PDE1A: variants seen among roughly 807,000 people sequenced by gnomAD.
The protein encoded by PDE1A is dual specificity calcium/calmodulin-dependent 3',5'-cyclic nucleotide phosphodiesterase 1A.
Under a neutral mutation model 61.7 loss-of-function variants are expected in PDE1A, and 35 were observed. The ratio of observed to expected loss-of-function variants is 0.57; its 90% CI spans 0.43 to 0.75. The LOEUF (loss-of-function observed/expected upper bound fraction) is 0.75, where lower values mean the gene tolerates loss of function less well. Among genes scored for constraint, PDE1A ranks in the 30% least tolerant of loss-of-function variants. PDE1A has a pLI of 0.00. For synonymous variants in PDE1A, 232 were observed against 213.2 expected (o/e 1.09, Z -0.77); for missense variants, 597 against 630.6 (o/e 0.95, Z 0.57).
At chr2:182,607,313 C>A in the PDE1A span, among the ~76,000 whole-genome samples, 1 of 152,028 alleles carries the variant, frequency 6.6e-6, no homozygotes, top group African/African-American at 2.4e-5. Flanking sequence ...CAAAATAAAC[C>A]ATAAATATCA....
chr2:182,395,963 T>C (rs960334548), intron 1 of PDE1A, among the ~76,000 whole-genome samples: 1 of 152,160 alleles, frequency 6.6e-6, no homozygotes, highest in Non-Finnish European at 1.5e-5. Flanking sequence ...TTCTTACCCA[T>C]CTAGCCATAA....
chr2:182,512,541 T>C (rs1487891691), intron 2 of PDE1A, among the ~76,000 whole-genome samples: 1 of 152,186 alleles, frequency 6.6e-6, no homozygotes, highest in Non-Finnish European at 1.5e-5. Flanking sequence ...CTCACAAATC[T>C]AGTGTCTTTT....
the PDE1A span, among the ~76,000 whole-genome samples, chr2:182,554,097 C>A: frequency 6.6e-6 from 1 of 152,046 alleles, no homozygotes; most frequent in African/African-American, 2.4e-5. Context: ...GCAGGTAGAC[C>A]AGTAGAGAAA....
intron 1 of PDE1A, among the ~76,000 whole-genome samples, chr2:182,370,169 T>G (rs978750025): frequency 6.8e-6 from 1 of 147,404 alleles, no homozygotes; most frequent in East Asian, 2.1e-4. Context: ...AGAGTGAGAC[T>G]TTGTCTCAAA....
the PDE1A span, among the ~76,000 whole-genome samples, chr2:182,702,189 C>T: frequency 1.3e-5 from 2 of 152,122 alleles, no homozygotes; most frequent in African/African-American, 4.8e-5. Context: ...CTGCAACCTC[C>T]GCCTCCTGGG....
intron 2 of PDE1A, among the ~76,000 whole-genome samples, chr2:182,497,136 AT>A (rs1281672974): frequency 2.0e-5 from 3 of 152,224 alleles, no homozygotes; most frequent in Non-Finnish European, 4.4e-5. Context: ...GAATACATGT[AT>A]TTATCATTGT....
chr2:182,380,401 C>T (rs917853675), intron 1 of PDE1A, among the ~76,000 whole-genome samples: 2 of 151,630 alleles, frequency 1.3e-5, no homozygotes, highest in Middle Eastern at 3.5e-3. Flanking sequence ...CGTGAGCCAC[C>T]GCACCCAGCC....
intron 1 of PDE1A, among the ~76,000 whole-genome samples, chr2:182,272,263 T>C (rs1693079774): frequency 6.6e-6 from 1 of 152,192 alleles, no homozygotes; most frequent in African/African-American, 2.4e-5. Flanking sequence ...CATGGGCATG[T>C]ACCTGTGCAG....
the PDE1A span, among the ~76,000 whole-genome samples, chr2:182,575,794 GTAT>G: frequency 1.4e-5 from 2 of 145,492 alleles, no homozygotes; most frequent in South Asian, 2.1e-4. Flanking sequence ...TTAATAATTA[GTAT>G]TATTAATTAT....
At chr2:182,349,969 A>T (rs758248638) in intron 1 of PDE1A, among the ~76,000 whole-genome samples, 2 of 152,100 alleles carry the variant, frequency 1.3e-5, no homozygotes, top group Non-Finnish European at 2.9e-5. Flanking sequence ...TTACAACCTG[A>T]TGAGCTTTTC....
chr2:182,538,172 C>G, the PDE1A span, among the ~76,000 whole-genome samples: 4 of 152,162 alleles, frequency 2.6e-5, no homozygotes, highest in African/African-American at 9.7e-5. Context: ...ACCAAACATT[C>G]CTTGGTCTGT....
At chr2:182,376,084 A>G (rs969619175) in intron 1 of PDE1A, among the ~76,000 whole-genome samples, 1 of 152,190 alleles carries the variant, frequency 6.6e-6, no homozygotes, top group African/African-American at 2.4e-5. Flanking sequence ...GGACTGCTGC[A>G]AAGATCTTTG....
intron 2 of PDE1A, among the ~76,000 whole-genome samples, chr2:182,434,801 A>G (rs1287058819): frequency 6.6e-6 from 1 of 152,090 alleles, no homozygotes; most frequent in Non-Finnish European, 1.5e-5. Flanking sequence ...TTTATACTAG[A>G]TTCCCTTGAT....
chr2:182,371,235 T>C (rs1369741432), intron 1 of PDE1A, among the ~76,000 whole-genome samples: 2 of 152,210 alleles, frequency 1.3e-5, no homozygotes, highest in Non-Finnish European at 2.9e-5. Context: ...ACTTCTTCCA[T>C]ATTAAATTAT....
At chr2:182,658,980 C>T in the PDE1A span, among the ~76,000 whole-genome samples, 9 of 152,198 alleles carry the variant, frequency 5.9e-5, no homozygotes, top group Admixed American at 2.6e-4. Flanking sequence ...GGGACTGGAA[C>T]ACGGAATTGA....
chr2:182,211,759 C>T (rs373839537), intron 7 of PDE1A, among the ~76,000 whole-genome samples: 14 of 152,098 alleles, frequency 9.2e-5, no homozygotes, highest in East Asian at 7.7e-4. Flanking sequence ...TTGAGTGGTG[C>T]TAATGCAAAT....
the PDE1A span, among the ~76,000 whole-genome samples, chr2:182,700,612 C>T: frequency 6.7e-6 from 1 of 149,244 alleles, no homozygotes; most frequent in Admixed American, 6.7e-5. Flanking sequence ...ATCCCAGCTA[C>T]TTGGGAGGCT....
chr2:182,257,063 T>G (rs1691873716), intron 2 of PDE1A, among the ~76,000 whole-genome samples: 1 of 152,232 alleles, frequency 6.6e-6, no homozygotes, highest in Admixed American at 6.5e-5. Flanking sequence ...TTTACCCTTT[T>G]CAGTAACCCT....
chr2:182,253,073 T>C (rs1284954885), intron 2 of PDE1A, among the ~76,000 whole-genome samples: 1 of 152,206 alleles, frequency 6.6e-6, no homozygotes, highest in Admixed American at 6.5e-5. Flanking sequence ...ACTTAACCTA[T>C]TACCTCATTT....
Sources: gnomAD v4.1 joint callset for allele counts (sites outside exome capture counted in the v4.1 genomes callset) on GRCh38, gnomAD v4.1.1 for gene constraint, MANE v1.5 for transcripts, NCBI Gene and HGNC (gene_info 2026-07-23, HGNC 2026-07-21) for gene names.